The following ASIC2 variants were observed in gnomAD, a reference collection of about 807,000 sequenced individuals.
ASIC2 encodes acid-sensing ion channel 2.
Under a neutral mutation model 57.3 loss-of-function variants are expected in ASIC2, and 25 were observed. The observed-to-expected ratio is 0.44, with a 90% CI of 0.32 to 0.61. ASIC2 has a LOEUF of 0.61. Among genes scored for constraint, ASIC2 ranks in the 20% least tolerant of loss-of-function variants. ASIC2 has a pLI of 0.06. For missense variants in ASIC2, 641 were observed against 738.1 expected, an observed-to-expected ratio of 0.87 and a Z score of 1.52; for synonymous variants, 319 against 307.5, an observed-to-expected ratio of 1.04 and a Z score of -0.39.
intron 1 of ASIC2, among the ~76,000 whole-genome samples, chr17:33,362,107 T>C (rs1908632576): frequency 6.6e-6 from 1 of 152,196 alleles, no homozygotes; most frequent in Non-Finnish European, 1.5e-5. Flanking sequence ...TCCTCCTACA[T>C]AGATTGGCTG....
intron 1 of ASIC2, among the ~76,000 whole-genome samples, chr17:33,528,217 A>AGG (rs1169807640): frequency 8.7e-6 from 1 of 115,130 alleles, no homozygotes; most frequent in Non-Finnish European, 1.8e-5. Flanking sequence ...AGGACAGGTG[A>AGG]GGCAGGGAGC....
chr17:33,858,891 C>T (rs887137186), intron 1 of ASIC2, among the ~76,000 whole-genome samples: 10 of 152,152 alleles, frequency 6.6e-5, no homozygotes, highest in Admixed American at 5.9e-4. Flanking sequence ...TGTGTGTGGC[C>T]CTTGAGTCCC....
At chr17:33,905,080 T>C (rs1352601729) in intron 1 of ASIC2, among the ~76,000 whole-genome samples, 1 of 150,336 alleles carries the variant, frequency 6.7e-6, no homozygotes, top group Non-Finnish European at 1.5e-5. Context: ...GGAATAAAAA[T>C]ACCTAAATGT....
chr17:33,605,511 GCA>G (rs1181584790), intron 1 of ASIC2, among the ~76,000 whole-genome samples: 1 of 152,170 alleles, frequency 6.6e-6, no homozygotes, highest in East Asian at 1.9e-4. Context: ...TCAATTAGAG[GCA>G]CTCTGAGGAC....
chr17:33,580,617 A>C (rs901935740), intron 1 of ASIC2, among the ~76,000 whole-genome samples: 1 of 151,986 alleles, frequency 6.6e-6, no homozygotes, highest in African/African-American at 2.4e-5. Context: ...GATTAGGAGG[A>C]GTTAAGAATG....
At chr17:33,258,586 G>A (rs1909160991) in intron 1 of ASIC2, among the ~76,000 whole-genome samples, 1 of 152,204 alleles carries the variant, frequency 6.6e-6, no homozygotes, top group East Asian at 1.9e-4. Context: ...GCGGCCCTGA[G>A]GTGGTAGTAG....
At chr17:33,037,715 G>A (rs374650206) in intron 3 of ASIC2, among the ~76,000 whole-genome samples, 9 of 152,292 alleles carry the variant, frequency 5.9e-5, no homozygotes, top group Middle Eastern at 3.4e-3. Flanking sequence ...GTTGTAATAC[G>A]GAACGTGGGA....
chr17:33,305,600 C>T (rs11657231), intron 1 of ASIC2, among the ~76,000 whole-genome samples: 47,538 of 152,066 alleles, frequency 0.31, 8,024 homozygotes, highest in South Asian at 0.48. Context: ...AAACTCCACA[C>T]ATTTCAAATA....
intron 1 of ASIC2, among the ~76,000 whole-genome samples, chr17:33,351,218 C>T (rs926805974): frequency 1.3e-5 from 2 of 151,768 alleles, no homozygotes; most frequent in African/African-American, 2.4e-5. Flanking sequence ...TGGTATTTGG[C>T]CCCCCTCCTC....
At chr17:33,739,850 AGAG>A (rs913736550) in intron 1 of ASIC2, among the ~76,000 whole-genome samples, 2 of 151,552 alleles carry the variant, frequency 1.3e-5, no homozygotes, top group Non-Finnish European at 1.5e-5. Context: ...GAAAGAAAAA[AGAG>A]AAAGAAAAAA....
chr17:33,138,486 C>A (rs62069666), intron 1 of ASIC2, among the ~76,000 whole-genome samples: 6,326 of 152,310 alleles, frequency 0.042, 185 homozygotes, highest in East Asian at 0.087. Flanking sequence ...CCCTTGCTCA[C>A]TATTGAGACC....
At chr17:33,133,646 G>A (rs1245307530) in intron 1 of ASIC2, among the ~76,000 whole-genome samples, 1 of 152,170 alleles carries the variant, frequency 6.6e-6, no homozygotes, top group Non-Finnish European at 1.5e-5. Flanking sequence ...TTATGACACT[G>A]CTGCCATGAG....
intron 1 of ASIC2, among the ~76,000 whole-genome samples, chr17:33,979,611 G>A (rs1031414066): frequency 2.0e-5 from 3 of 152,276 alleles, no homozygotes; most frequent in African/African-American, 7.2e-5. Context: ...CATGTGTCAG[G>A]AAAAAGTTAC....
intron 1 of ASIC2, among the ~76,000 whole-genome samples, chr17:33,501,656 A>G (rs1202484356): frequency 6.6e-6 from 1 of 152,234 alleles, no homozygotes; most frequent in Non-Finnish European, 1.5e-5. Context: ...TGGAGGGGGC[A>G]CACTGCCTAT....
At chr17:34,140,720 A>G (rs1912250075) in intron 1 of ASIC2, among the ~76,000 whole-genome samples, 1 of 152,186 alleles carries the variant, frequency 6.6e-6, no homozygotes, top group African/African-American at 2.4e-5. Flanking sequence ...AACCTATTGA[A>G]TAAAATAGAA....
chr17:34,128,118 G>T (rs1028286127), intron 1 of ASIC2, among the ~76,000 whole-genome samples: 1 of 152,168 alleles, frequency 6.6e-6, no homozygotes, highest in Non-Finnish European at 1.5e-5. Flanking sequence ...ATGAAGAAAA[G>T]AAGGAGGTAG....
intron 1 of ASIC2, among the ~76,000 whole-genome samples, chr17:33,386,808 G>C (rs1392940026): frequency 1.3e-5 from 2 of 152,140 alleles, no homozygotes; most frequent in African/African-American, 4.8e-5. Context: ...CAGACTTCCT[G>C]CGTGTCTTTT....
chr17:33,993,707 T>G (rs978457919), intron 1 of ASIC2, among the ~76,000 whole-genome samples: 2 of 152,208 alleles, frequency 1.3e-5, no homozygotes, highest in African/African-American at 4.8e-5. Flanking sequence ...TTTGGTATCA[T>G]GTACTGGAAG....
intron 1 of ASIC2, among the ~76,000 whole-genome samples, chr17:34,093,026 T>G (rs1910388383): frequency 6.6e-6 from 1 of 152,254 alleles, no homozygotes; most frequent in Non-Finnish European, 1.5e-5. Flanking sequence ...TGTTGACATA[T>G]GCAGCTCTGG....
Sources: allele counts gnomAD v4.1 joint callset (sites outside exome capture counted in the v4.1 genomes callset), GRCh38; gene constraint gnomAD v4.1.1; transcripts MANE v1.5; gene names NCBI Gene and HGNC (gene_info 2026-07-23, HGNC 2026-07-21).